Variants in EVI5 observed in about 807,000 individuals in gnomAD.
EVI5 encodes the protein ecotropic viral integration site 5 protein homolog.
Under a neutral mutation model 112.0 loss-of-function variants are expected in EVI5, and 73 were observed. That is an observed-to-expected ratio of 0.65 (90% CI 0.54 to 0.79). The LOEUF (loss-of-function observed/expected upper bound fraction) is 0.79, where lower values mean the gene tolerates loss of function less well. Among genes scored for constraint, EVI5 ranks in the 30% least tolerant of loss-of-function variants. The pLI is 0.00. For synonymous variants in EVI5, 305 were observed against 319.9 expected, an observed-to-expected ratio of 0.95 and a Z score of 0.50; for missense variants, 900 against 968.8, an observed-to-expected ratio of 0.93 and a Z score of 0.94.
At chr1:92,550,813 T>TATATATATATATAA (rs1346523555) in intron 19 of EVI5, among the ~76,000 whole-genome samples, 6 of 80,114 alleles carry the variant, frequency 7.5e-5, no homozygotes, top group East Asian at 6.7e-4. Context: ...TATATATATA[T>TATATATATATATAA]AACAAAAAAA....
intron 19 of EVI5, among the ~76,000 whole-genome samples, chr1:92,535,056 T>G (rs1399371707): frequency 6.6e-6 from 1 of 151,722 alleles, no homozygotes; most frequent in African/African-American, 2.4e-5. Context: ...ATCCAGAATC[T>G]ACAAAGAACT....
intron 15 of EVI5, 156 bp downstream of exon 15, chr1:92,625,638 C>T: frequency 3.5e-6 from 2 of 572,198 alleles, no homozygotes; most frequent in Admixed American, 3.0e-5. Flanking sequence ...CTTAAGTGCA[C>T]TTTCAGTTTA....
At chr1:92,517,460 A>T (rs1045618579) in intron 19 of EVI5, among the ~76,000 whole-genome samples, 3 of 152,164 alleles carry the variant, frequency 2.0e-5, no homozygotes, top group Non-Finnish European at 4.4e-5. Flanking sequence ...ACCGTGGTAG[A>T]CCCTCTGGTT....
intron 16 of EVI5, among the ~76,000 whole-genome samples, chr1:92,607,930 G>A (rs551086372): frequency 6.6e-6 from 1 of 152,088 alleles, no homozygotes; most frequent in South Asian, 2.1e-4. Context: ...CGGATCACAA[G>A]GTCAGGAGAT....
At chr1:92,556,767 C>T (rs181952741) in intron 19 of EVI5, among the ~76,000 whole-genome samples, 8 of 152,066 alleles carry the variant, frequency 5.3e-5, no homozygotes, top group Non-Finnish European at 2.9e-5. Context: ...AAACAGATAT[C>T]AGAATTTAAA....
intron 19 of EVI5, among the ~76,000 whole-genome samples, chr1:92,522,563 G>A (rs1661119737): frequency 6.7e-6 from 1 of 149,848 alleles, no homozygotes; most frequent in Admixed American, 6.7e-5. Context: ...AACCTGGGAG[G>A]CGGGGGTTCA....
At chr1:92,672,816 T>C (rs1041310628) in intron 10 of EVI5, among the ~76,000 whole-genome samples, 37 of 152,304 alleles carry the variant, frequency 2.4e-4, no homozygotes, top group Middle Eastern at 3.4e-3. Flanking sequence ...AAGTTTGATA[T>C]GCCAGAGAAA....
chr1:92,605,343 A>T lies in EVI5; in HGVS notation c.2034T>A (p.Ala678=). ...GCTCAGCAATGTGTTGTCGTAGTTC[A>T]GCCACAGCAGCTATGCTATCTGCTT... The part of the protein sequence containing the change: ...LREADSIAAV[A]ELRQHIAELE... Residue 678 remains alanine, a synonymous_variant, in exon 18 of 20, where the codon GCT becomes GCA. Coordinates refer to ENST00000684568, the MANE Select transcript of EVI5 (RefSeq NM_001350197.2). The T allele has an allele frequency of 6.2e-7, 1 of 1,613,576 alleles. No homozygotes were observed. The highest frequency in any genetic ancestry group is 8.5e-7 in the Non-Finnish European group (1 of 1,179,544).
chr1:92,538,258 C>T (rs1173448113), intron 19 of EVI5, among the ~76,000 whole-genome samples: 2 of 152,088 alleles, frequency 1.3e-5, no homozygotes, highest in Non-Finnish European at 1.5e-5. Flanking sequence ...GATGAGGCTA[C>T]GAATATGTGA....
At chr1:92,703,343 T>G (rs1278890287) in intron 4 of EVI5, 52 bp downstream of exon 4, 2 of 1,105,674 alleles carry the variant, frequency 1.8e-6, no homozygotes, top group African/African-American at 1.6e-5. Flanking sequence ...ATGTATAATT[T>G]CAACCTTCCA....
At chr1:92,722,421 C>T (rs1008895809) in intron 2 of EVI5, among the ~76,000 whole-genome samples, 2 of 151,648 alleles carry the variant, frequency 1.3e-5, no homozygotes, top group Admixed American at 6.6e-5. Flanking sequence ...CCCATTACCT[C>T]GTCATTTAGC....
intron 18 of EVI5, among the ~76,000 whole-genome samples, chr1:92,587,788 C>T (rs765241381): frequency 6.6e-6 from 1 of 152,204 alleles, no homozygotes; most frequent in Non-Finnish European, 1.5e-5. Flanking sequence ...GACCTACACT[C>T]TTTTAAATGA....
intron 1 of EVI5, among the ~76,000 whole-genome samples, chr1:92,746,984 G>C (rs554870758): frequency 6.6e-6 from 1 of 151,914 alleles, no homozygotes; most frequent in Admixed American, 6.6e-5. Flanking sequence ...TACAAGTAAC[G>C]GGGGAAAAGC....
chr1:92,563,426 AG>A (rs1287103467), intron 19 of EVI5, among the ~76,000 whole-genome samples: 1 of 152,234 alleles, frequency 6.6e-6, no homozygotes, highest in East Asian at 1.9e-4. Context: ...TTATCATTCT[AG>A]GTCATGCTAA....
chr1:92,770,601 T>C (rs991001265), intron 1 of EVI5, among the ~76,000 whole-genome samples: 6 of 151,924 alleles, frequency 3.9e-5, no homozygotes, highest in South Asian at 2.1e-4. Flanking sequence ...CCATCCTGGC[T>C]AACACAGTGA....
chr1:92,529,284 T>C (rs540637842), intron 19 of EVI5, among the ~76,000 whole-genome samples: 19 of 152,246 alleles, frequency 1.2e-4, no homozygotes, highest in Non-Finnish European at 1.8e-4. Flanking sequence ...TTACTTTGCT[T>C]TGGCTACCAA....
chr1:92,669,146 A>G (rs1267781558), intron 10 of EVI5, among the ~76,000 whole-genome samples: 2 of 152,166 alleles, frequency 1.3e-5, no homozygotes, highest in African/African-American at 4.8e-5. Context: ...CACTGCCCAC[A>G]ATAGTTTTGA....
At chr1:92,726,995 A>C (rs1339807630) in intron 2 of EVI5, among the ~76,000 whole-genome samples, 6 of 152,206 alleles carry the variant, frequency 3.9e-5, no homozygotes, top group African/African-American at 1.4e-4. Flanking sequence ...GAATTAAAGG[A>C]AACAATATAA....
chr1:92,678,015 C>T (rs1309743486), intron 9 of EVI5, among the ~76,000 whole-genome samples: 3 of 152,014 alleles, frequency 2.0e-5, no homozygotes, highest in African/African-American at 7.2e-5. Context: ...TACTCATGGA[C>T]ATAAAGATGG....
Sources: gnomAD v4.1 joint callset for allele counts (sites outside exome capture counted in the v4.1 genomes callset) on GRCh38, gnomAD v4.1.1 for gene constraint, MANE v1.5 for transcripts, NCBI Gene and HGNC (gene_info 2026-07-23, HGNC 2026-07-21) for gene names.